CDC42SE1: variants seen among roughly 807,000 people sequenced by gnomAD.
The protein encoded by CDC42SE1 is CDC42 small effector protein 1.
Under a neutral mutation model 10.9 loss-of-function variants are expected in CDC42SE1, and 10 were observed. That is an observed-to-expected ratio of 0.92 (90% CI 0.57 to 1.56). The LOEUF is 1.56. CDC42SE1 is among the 40% of genes most tolerant of loss of function. CDC42SE1 has a pLI of 0.00. For missense variants in CDC42SE1, 81 were observed against 100.8 expected (o/e 0.80, Z 0.84); for synonymous variants, 24 against 32.0 (o/e 0.75, Z 0.85).
chr1:151,056,858 A>C (rs1676288685), intron 1 of CDC42SE1: 1 of 152,438 alleles, frequency 6.6e-6, no homozygotes, highest in South Asian at 2.1e-4. Context: ...CACCGTCCAC[A>C]TGTCCTATCT....
rs74125063 is a variant in CDC42SE1, at chr1:151,055,649, G to T, written c.54+28C>A. On this transcript the variant is annotated intron_variant, in intron 2 of 4. Transcript: ENST00000357235. The stretch of plus-strand genomic sequence containing the variant: ...GCACACAGTAACTGACTGCTCTTTG[G>T]GTTAGGATGGGGGGTGGGGAGACTC... 5,675 of 1,593,848 alleles carry T rather than the reference G, an allele frequency of 3.6e-3. 158 individuals carry two copies. In the African/African-American group the frequency reaches 0.067, roughly 19 times the overall value.
At chr1:151,055,598 A>T in intron 2 of CDC42SE1, 79 bp downstream of exon 2, 1 of 1,191,678 alleles carries the variant, frequency 8.4e-7, no homozygotes, top group South Asian at 1.3e-5. Flanking sequence ...TAGATGGCAG[A>T]TCCTAGATGG....
Position 151,055,127 on chromosome 1 carries a change from C to T in CDC42SE1, c.55-1G>A, listed in dbSNP as rs1357847589. On this transcript the variant is annotated splice_acceptor_variant, in intron 2 of 4. Coordinates refer to ENST00000357235, the MANE Select transcript of CDC42SE1 (RefSeq NM_020239.4). LOFTEE classifies it high-confidence loss of function. ...GGTCAATCCGTCTTCTCTTCTTCTT[C>T]TGCTTGGAGAAGATAAGGAGTCATG... The T allele has an allele frequency of 2.4e-5, 39 of 1,610,712 alleles. No individual in the cohort carries two copies. Among genetic ancestry groups the T allele is most frequent in the Non-Finnish European group, 3.0e-5 (35 of 1,177,618 alleles).
In CDC42SE1 at chr1:151,055,110, C is replaced by T. The variant is rs746543526; in HGVS notation, c.71G>A (p.Arg24Gln). Residue 24 changes from arginine (R) to glutamine (Q), a missense_variant, in exon 3 of 5, where the codon CGG becomes CAG. Coordinates refer to ENST00000357235, the MANE Select transcript of CDC42SE1 (RefSeq NM_020239.4). Reference sequence around the variant, plus strand: ...TTCCCCAATCATGGTCCGGTCAATCCGTCTTCTCTTCTTCTTCTGCTTGGA... The same window carrying T: ...TTCCCCAATCATGGTCCGGTCAATCTGTCTTCTCTTCTTCTTCTGCTTGGA... ...EKPQPKKKRR[R>Q]IDRTMIGEPM... is the part of the protein sequence containing the mutation. The T allele has an allele frequency of 2.5e-6, 4 of 1,613,036 alleles. No homozygotes were observed. The Admixed American group carries it at 5.0e-5, about 20-fold the overall frequency.
rs1003198660 is a variant in CDC42SE1, at chr1:151,057,607, T to G, written c.-263-1614A>C. Among the ~76,000 whole-genome samples the G allele has an allele frequency of 6.6e-6, 1 of 151,622 alleles. No individual in the cohort carries two copies. The highest frequency in any genetic ancestry group is 1.9e-4 in the East Asian group (1 of 5,168). ...GGGAGGCTGAGGCAGGAGGATCACT[T>G]GAGCCCAAGAGTTGCGGCTACAGTG... is the stretch of plus-strand genomic sequence containing the variant. On this transcript the variant is annotated intron_variant, in intron 1 of 4. Transcript: ENST00000357235. The surrounding 1 kb of genome is among the most constrained non-coding windows in gnomAD (Gnocchi z 4.0).
chr1:151,055,778 G>A lies in CDC42SE1; in HGVS notation c.-48C>T, dbSNP rs757655411. 5.3e-6 allele frequency: 8 copies of A among 1,511,182 alleles called. No individual in the cohort carries two copies. The Admixed American group carries it at 1.4e-4, about 26-fold the overall frequency. 93.6% of individuals were successfully genotyped at this position (1,511,182 alleles called of 1,614,324 possible). Reference sequence around the variant, plus strand: ...ACTCCGCTGTCTGAGGCCCCAAAGGGCTCTTTCCCTGGTGTTTGGACAACC... The same window carrying A: ...ACTCCGCTGTCTGAGGCCCCAAAGGACTCTTTCCCTGGTGTTTGGACAACC... On this transcript the variant is annotated 5_prime_UTR_variant, in exon 2 of 5. Transcript: ENST00000357235.
chr1:151,053,973 G>A (rs1303708449), intron 4 of CDC42SE1, among the ~76,000 whole-genome samples: 19 of 152,100 alleles, frequency 1.2e-4, no homozygotes, highest in African/African-American at 4.3e-4. Flanking sequence ...GGGACTACAG[G>A]AGCACGCCAC....
intron 2 of CDC42SE1, chr1:151,055,337 G>A: frequency 1.7e-6 from 1 of 595,370 alleles, no homozygotes; most frequent in Non-Finnish European, 3.0e-6. Flanking sequence ...TGAGGGCAGT[G>A]GCCTGCAGAG....
At chr1:151,055,607 G>T in intron 2 of CDC42SE1, 70 bp downstream of exon 2, 1 of 1,259,114 alleles carries the variant, frequency 7.9e-7, no homozygotes, top group Non-Finnish European at 1.2e-6. Flanking sequence ...GATCCTAGAT[G>T]GTGTGGCTAC....
Position 151,051,393 on chromosome 1 carries a change from GAAAAAAAAAAAAAAAA to G in CDC42SE1, c.*1935_*1950del, listed in dbSNP as rs71702880. On this transcript the variant is annotated 3_prime_UTR_variant, in exon 5 of 5. Transcript: ENST00000357235. ...AATGGCAGAAAATACATGGAAATTT[GAAAAAAAAAAAAAAAA>G]AAAAAAAAAAAGAACCTCAGTCACT... is the stretch of plus-strand genomic sequence containing the variant. 2 of 34,100 alleles carry G rather than the reference GAAAAAAAAAAAAAAAA, an allele frequency of 5.9e-5. No individual in the cohort carries two copies. The highest frequency in any genetic ancestry group is 1.9e-3 in the South Asian group (1 of 516). The allele number at this position is 34,100 out of a possible 1,614,324, so 2.1% of individuals were successfully genotyped here.
In CDC42SE1 at chr1:151,055,034, G is replaced by A. The variant is rs990915581; in HGVS notation, c.147C>T (p.Ala49=). The change falls in exon 3 of 5, where the codon GCC becomes GCT. Residue 49 remains alanine (A), a synonymous_variant. Coordinates refer to ENST00000357235, the MANE Select transcript of CDC42SE1 (RefSeq NM_020239.4). ...TTGTTACCATGGCAAGTCCATCTCC[G>A]GCCCCCATCTCCCCTGAGCCAATGT... is the stretch of plus-strand genomic sequence containing the variant. ...LTHIGSGEMG[A]GDGLAMTGAV... 8.1e-6 allele frequency: 13 copies of A among 1,613,060 alleles called. No homozygotes were observed. Among genetic ancestry groups the A allele is most frequent in the African/African-American group, 2.7e-5 (2 of 74,722 alleles).
rs1676166442 is a variant in CDC42SE1 at position 151,051,042 on chromosome 1, T to C, written c.*2302A>G. On this transcript the variant is annotated 3_prime_UTR_variant, in exon 5 of 5. Coordinates refer to ENST00000357235, the MANE Select transcript of CDC42SE1 (RefSeq NM_020239.4). The stretch of plus-strand genomic sequence containing the variant: ...TTAAAAGTCCAACAACTTTTTAATA[T>C]AAATTACGACTCTCAAACCCATTCC... The C allele has an allele frequency of 6.6e-6, 1 of 152,232 alleles. No individual in the cohort carries two copies. Among genetic ancestry groups the C allele is most frequent in the African/African-American group, 2.4e-5 (1 of 41,428 alleles). The allele number at this position is 152,232 out of a possible 1,614,324, so 9.4% of individuals were successfully genotyped here.
rs1297770048 is a variant in CDC42SE1, at chr1:151,051,335, T to C, written c.*2009A>G. On this transcript the variant is annotated 3_prime_UTR_variant, in exon 5 of 5. Transcript: ENST00000357235. ...CAGCTTGACTGGAACTGAGAGTAAA[T>C]TGGGAATGTATGACCAATCTTAGAC... is the stretch of plus-strand genomic sequence containing the variant. 4 of 128,284 alleles carry C rather than the reference T, an allele frequency of 3.1e-5. No individual in the cohort carries two copies. Among genetic ancestry groups the C allele is most frequent in the Non-Finnish European group, 4.7e-5 (3 of 64,378 alleles). The allele number at this position is 128,284 out of a possible 1,614,324, so 7.9% of individuals were successfully genotyped here.
intron 2 of CDC42SE1, chr1:151,055,469 C>A: frequency 1.6e-6 from 1 of 615,036 alleles, no homozygotes; most frequent in African/African-American, 1.8e-5. Context: ...TGGACAGGAA[C>A]AGGAGGTAAT....
Position 151,059,488 on chromosome 1 carries a change from TC to T in CDC42SE1, c.-274del. On this transcript the variant is annotated 5_prime_UTR_variant, in exon 1 of 5. It introduces an in-frame stop codon into an upstream open reading frame of the 5' UTR. Transcript: ENST00000357235. The stretch of plus-strand genomic sequence containing the variant: ...AACTGCACGGCCTCACCTGCTCTTC[TC>T]CACCATCCAGACGTTCAGCTACAGC... 1 of 152,590 alleles carries T rather than the reference TC, an allele frequency of 6.6e-6. No individual in the cohort carries two copies. The highest frequency in any genetic ancestry group is 1.5e-5 in the Non-Finnish European group (1 of 68,282). 9.5% of individuals were successfully genotyped at this position (152,590 alleles called of 1,614,324 possible).
At chr1:151,054,131 A>C in intron 4 of CDC42SE1, 100 bp downstream of exon 4, 1 of 804,482 alleles carries the variant, frequency 1.2e-6, no homozygotes, top group African/African-American at 1.7e-5. Context: ...ATGCCCGGCC[A>C]CACCTCCCTT....
rs750186010 is a variant in CDC42SE1 at position 151,052,242 on chromosome 1, T to C, written c.*1102A>G. The stretch of plus-strand genomic sequence containing the variant: ...GCTAAATATCCTGTAATGCACAAAA[T>C]AGGAAACAGGTTTTCCTTACAAAGA... On this transcript the variant is annotated 3_prime_UTR_variant, in exon 5 of 5. Coordinates refer to ENST00000357235, the MANE Select transcript of CDC42SE1 (RefSeq NM_020239.4). The C allele has an allele frequency of 6.6e-6, 1 of 152,162 alleles. No homozygotes were observed. The highest frequency in any genetic ancestry group is 2.4e-5 in the African/African-American group (1 of 41,396). The allele number at this position is 152,162 out of a possible 1,614,324, so 9.4% of individuals were successfully genotyped here. A position where few individuals can be genotyped will look rare whatever the true frequency, so the allele number is the denominator to read the frequency against.
At position 151,055,968 on chromosome 1, in the gene CDC42SE1, G is replaced by A. The variant is rs943689489; in HGVS notation, c.-238C>T. On this transcript the variant is annotated 5_prime_UTR_variant, in exon 2 of 5. Coordinates refer to ENST00000357235, the MANE Select transcript of CDC42SE1 (RefSeq NM_020239.4). ...AGAGAGGTGGGCAGGCAGGCACAAG[G>A]TTATGTCTTCCTCAGACTCGGAACC... 15 of 567,344 alleles carry A rather than the reference G, an allele frequency of 2.6e-5. No individual in the cohort carries two copies. The highest frequency in any genetic ancestry group is 4.1e-5 in the Non-Finnish European group (13 of 316,328). The allele number at this position is 567,344 out of a possible 1,614,324, so 35.1% of individuals were successfully genotyped here.
At position 151,053,119 on chromosome 1, in the gene CDC42SE1, C is replaced by CA. The variant is rs1676213542; in HGVS notation, c.*224dup. The CA allele has an allele frequency of 6.8e-6, 1 of 147,058 alleles. No homozygotes were observed. The highest frequency in any genetic ancestry group is 1.5e-5 in the Non-Finnish European group (1 of 68,090). 9.1% of individuals were successfully genotyped at this position (147,058 alleles called of 1,614,324 possible). ...TGAGCTCCTCTGGCTAACCAGTAGT[C>CA]ACTTGATCAGTCCTGCTGCCTTGAC... On this transcript the variant is annotated 3_prime_UTR_variant, in exon 5 of 5. Transcript: ENST00000357235.
Sources: gnomAD v4.1 joint callset for allele counts (sites outside exome capture counted in the v4.1 genomes callset) on GRCh38, gnomAD v4.1.1 for gene constraint, Gnocchi (gnomAD v3.1) non-coding constraint, MANE v1.5 for transcripts, NCBI Gene and HGNC (gene_info 2026-07-23, HGNC 2026-07-21) for gene names.